The following RIMBP2 variants were observed in gnomAD, a reference collection of about 807,000 sequenced individuals.
The protein encoded by RIMBP2 is RIMS binding protein 2.
In RIMBP2, 48 loss-of-function variants were observed where a neutral mutation model predicts 118.6. That is an observed-to-expected ratio of 0.40 (90% CI 0.32 to 0.51). The LOEUF is 0.51. Among genes scored for constraint, RIMBP2 ranks in the 20% least tolerant of loss-of-function variants. The pLI, the probability that RIMBP2 is intolerant of heterozygous loss-of-function variation, is 0.41. For missense variants in RIMBP2, 1,551 were observed against 1,768.3 expected (o/e 0.88, Z 2.20); for synonymous variants, 762 against 742.9 (o/e 1.03, Z -0.42).
At position 130,422,373 on chromosome 12, in the gene RIMBP2, G is replaced by A; in HGVS notation, c.3238+80C>T. 1 of 961,882 alleles carries A rather than the reference G, an allele frequency of 1.0e-6. No individual in the cohort carries two copies. The highest frequency in any genetic ancestry group is 1.6e-6 in the Non-Finnish European group (1 of 633,194). The allele number at this position is 961,882 out of a possible 1,614,324, so 59.6% of individuals were successfully genotyped here. A position where few individuals can be genotyped will look rare whatever the true frequency, so the allele number is the denominator to read the frequency against. ...CTTAGCGGAAAATGCTACTCCTAAA[G>A]TTTTGTTCATGCTTAGATGGAGTAA... On this transcript the variant is annotated intron_variant, in intron 17 of 22. Coordinates refer to ENST00000690449, the MANE Select transcript of RIMBP2 (RefSeq NM_001393629.1). The surrounding 1 kb of genome is among the most constrained non-coding windows in gnomAD (Gnocchi z 5.2).
At chr12:130,643,015 T>C (rs61936784) in intron 1 of RIMBP2, among the ~76,000 whole-genome samples, 23,387 of 152,248 alleles carry the variant, frequency 0.15, 2,330 homozygotes, top group Non-Finnish European at 0.23. Context: ...AGTCTCGGAC[T>C]GGACACATTC....
At position 130,698,776 on chromosome 12, in the gene RIMBP2, C is replaced by T. The variant is rs566953253; in HGVS notation, c.-352+17446G>A. 3.0e-3 allele frequency among the ~76,000 whole-genome samples: 460 copies of T among 152,162 alleles called. 1 individual carries two copies. The highest frequency in any genetic ancestry group is 0.011 in the African/African-American group (436 of 41,478). On this transcript the variant is annotated intron_variant, in intron 1 of 22. Coordinates refer to ENST00000690449, the MANE Select transcript of RIMBP2 (RefSeq NM_001393629.1). Reference sequence around the variant, plus strand: ...GCTTCTGCACAGCAAAAGAAACTACCATCAGAGTGAACAGGCAACCTATAG... The same window carrying T: ...GCTTCTGCACAGCAAAAGAAACTACTATCAGAGTGAACAGGCAACCTATAG...
chr12:130,454,314 TA>T (rs2079235192), intron 7 of RIMBP2, among the ~76,000 whole-genome samples: 1 of 152,168 alleles, frequency 6.6e-6, no homozygotes, highest in African/African-American at 2.4e-5. Flanking sequence ...CAAAAATAAG[TA>T]AACACATTCA....
At chr12:130,604,278 G>A (rs1193572115) in intron 2 of RIMBP2, among the ~76,000 whole-genome samples, 5 of 121,710 alleles carry the variant, frequency 4.1e-5, no homozygotes, top group African/African-American at 1.5e-4. Context: ...GAGTCAAAAA[G>A]GTTTTTAAAA....
At chr12:130,476,884 G>A (rs1353828172) in intron 5 of RIMBP2, among the ~76,000 whole-genome samples, 2 of 152,152 alleles carry the variant, frequency 1.3e-5, no homozygotes, top group Non-Finnish European at 2.9e-5. Flanking sequence ...GCAGACGGCC[G>A]ACCCCTGCTG....
In RIMBP2 at chr12:130,574,195, T is replaced by C. The variant is rs2140101041; in HGVS notation, c.-217+54127A>G. ...CAAAATAAAACCTTGTCATAAACAC[T>C]ATTTTGTTTCTGGCTGGAGCTAAAT... On this transcript the variant is annotated intron_variant, in intron 2 of 22. Transcript: ENST00000690449. Among the ~76,000 whole-genome samples the C allele has an allele frequency of 1.3e-5, 2 of 152,194 alleles. 1 individual carries two copies. Among genetic ancestry groups the C allele is most frequent in the Admixed American group, 1.3e-4 (2 of 15,302 alleles).
At chr12:130,598,031 A>T (rs1243223167) in intron 2 of RIMBP2, among the ~76,000 whole-genome samples, 1 of 152,214 alleles carries the variant, frequency 6.6e-6, no homozygotes, top group African/African-American at 2.4e-5. Flanking sequence ...TATTAAATGA[A>T]TTTGGCAAGG....
intron 2 of RIMBP2, among the ~76,000 whole-genome samples, chr12:130,524,522 C>T (rs1167644872): frequency 6.6e-6 from 1 of 152,192 alleles, no homozygotes; most frequent in Non-Finnish European, 1.5e-5. Context: ...CTGGGGGTAG[C>T]AGACGTGAAG....
rs1593648880 is a variant in RIMBP2 at position 130,525,414 on chromosome 12, A to G, written c.-216-7497T>C. On this transcript the variant is annotated intron_variant, in intron 2 of 22. Coordinates refer to ENST00000690449, the MANE Select transcript of RIMBP2 (RefSeq NM_001393629.1). The surrounding 1 kb of genome is among the most constrained non-coding windows in gnomAD (Gnocchi z 4.4). ...GCTTTTTTGCAGAGTGCTGGGTGAGAAGAGGCGCAGAGAGACAAGGTCATG... is the reference window on the plus strand; with the variant it reads ...GCTTTTTTGCAGAGTGCTGGGTGAGGAGAGGCGCAGAGAGACAAGGTCATG... Among the ~76,000 whole-genome samples, 1 of 152,116 alleles carries G rather than the reference A, an allele frequency of 6.6e-6. No individual in the cohort carries two copies. The highest frequency in any genetic ancestry group is 2.1e-4 in the South Asian group (1 of 4,826).
At chr12:130,510,542 C>T (rs1405395623) in intron 3 of RIMBP2, among the ~76,000 whole-genome samples, 1 of 152,080 alleles carries the variant, frequency 6.6e-6, no homozygotes, top group East Asian at 1.9e-4. Context: ...AATCTCGGCT[C>T]ACTGCAACCT....
In RIMBP2 at chr12:130,445,418, C is replaced by T. The variant is rs575635709; in HGVS notation, c.582-149G>A. ...TAATCGTTCGGGGCTGATGAGTTCT[C>T]TGTACACTGGAAATTCAAGCCACTG... On this transcript the variant is annotated intron_variant, in intron 9 of 22. Coordinates refer to ENST00000690449, the MANE Select transcript of RIMBP2 (RefSeq NM_001393629.1). 1.0e-4 allele frequency: 54 copies of T among 520,156 alleles called. 1 individual carries two copies. The South Asian group carries it at 1.8e-3, about 17-fold the overall frequency. The allele number at this position is 520,156 out of a possible 1,614,324, so 32.2% of individuals were successfully genotyped here.
rs755780643 is a variant in RIMBP2, at chr12:130,622,908, C to T, written c.-217+5414G>A. ...CATGGCATCGAGTAAACAGTTCTTG[C>T]CTACTAAGCCCTGCAGGTAGGAACA... On this transcript the variant is annotated intron_variant, in intron 2 of 22. Coordinates refer to ENST00000690449, the MANE Select transcript of RIMBP2 (RefSeq NM_001393629.1). This position sits in a 1 kb window ranked among gnomAD's most constrained non-coding sequence, Gnocchi z 8.5. Among the ~76,000 whole-genome samples the T allele has an allele frequency of 1.3e-5, 2 of 152,204 alleles. No individual in the cohort carries two copies. The highest frequency in any genetic ancestry group is 2.9e-5 in the Non-Finnish European group (2 of 68,038).
At chr12:130,590,733 C>T (rs1023807601) in intron 2 of RIMBP2, among the ~76,000 whole-genome samples, 2 of 152,198 alleles carry the variant, frequency 1.3e-5, no homozygotes, top group African/African-American at 2.4e-5. Flanking sequence ...TTCTGAGGCA[C>T]CTCTCATTTG....
rs2065146313 is a variant in RIMBP2 at position 130,688,172 on chromosome 12, C to T, written c.-352+28050G>A. Among the ~76,000 whole-genome samples, 1 of 152,202 alleles carries T rather than the reference C, an allele frequency of 6.6e-6. No homozygotes were observed. The highest frequency in any genetic ancestry group is 2.1e-4 in the South Asian group (1 of 4,834). ...CCCACAGCTCCCGGCCCAGCCTGCACTGTTCATGCTGCTTGGCTTTGTGAA... is the reference window on the plus strand; with the variant it reads ...CCCACAGCTCCCGGCCCAGCCTGCATTGTTCATGCTGCTTGGCTTTGTGAA... On this transcript the variant is annotated intron_variant, in intron 1 of 22. Transcript: ENST00000690449. The surrounding 1 kb of genome is among the most constrained non-coding windows in gnomAD (Gnocchi z 4.7).
At position 130,424,145 on chromosome 12, in the gene RIMBP2, G is replaced by A; in HGVS notation, c.3126C>T (p.Pro1042=). The A allele has an allele frequency of 8.1e-7, 1 of 1,229,724 alleles. No individual in the cohort carries two copies. The highest frequency in any genetic ancestry group is 1.0e-6 in the Non-Finnish European group (1 of 985,762). 76.2% of individuals were successfully genotyped at this position (1,229,724 alleles called of 1,614,324 possible). The change falls in exon 16 of 23, where the codon CCC becomes CCT. Residue 1042 remains proline (P), a synonymous_variant. Coordinates refer to ENST00000690449, the MANE Select transcript of RIMBP2 (RefSeq NM_001393629.1). This position sits in a 1 kb window ranked among gnomAD's most constrained non-coding sequence, Gnocchi z 9.8. ...AKPPPRVAQG[P]LILGNPASAG... is the part of the protein sequence containing the mutation. ...AAAGGAAGTTTAGGTCACACACCAGGGGGCCTTGTGCGACTCTGGGAGGTG... is the reference window on the plus strand; with the variant it reads ...AAAGGAAGTTTAGGTCACACACCAGAGGGCCTTGTGCGACTCTGGGAGGTG...
At chr12:130,668,287 A>G (rs1045707190) in intron 1 of RIMBP2, 2 of 152,382 alleles carry the variant, frequency 1.3e-5, no homozygotes, top group Admixed American at 6.5e-5. Context: ...TCCTGACCCC[A>G]GGAACTACTC....
chr12:130,617,550 G>A lies in RIMBP2; in HGVS notation c.-217+10772C>T. The stretch of plus-strand genomic sequence containing the variant: ...CTGACACCAGCTTTAGATACTGCTA[G>A]AAGCTGCTTAGTGGGAGGTATTGAG... On this transcript the variant is annotated intron_variant, in intron 2 of 22. Transcript: ENST00000690449. This position sits in a 1 kb window ranked among gnomAD's most constrained non-coding sequence, Gnocchi z 4.6. Among the ~76,000 whole-genome samples, 1 of 152,246 alleles carries A rather than the reference G, an allele frequency of 6.6e-6. No individual in the cohort carries two copies. The highest frequency in any genetic ancestry group is 1.9e-4 in the East Asian group (1 of 5,190).
Position 130,450,583 on chromosome 12 carries a change from G to A in RIMBP2, c.505-307C>T, listed in dbSNP as rs554908447. ...TCCTACAGCAATCCCGGGAGTCAGCGGCGTGGCCTTTTCTCATAGGGGTGG... is the reference window on the plus strand; with the variant it reads ...TCCTACAGCAATCCCGGGAGTCAGCAGCGTGGCCTTTTCTCATAGGGGTGG... On this transcript the variant is annotated intron_variant, in intron 8 of 22. Coordinates refer to ENST00000690449, the MANE Select transcript of RIMBP2 (RefSeq NM_001393629.1). This position sits in a 1 kb window ranked among gnomAD's most constrained non-coding sequence, Gnocchi z 4.8. 2.6e-5 allele frequency among the ~76,000 whole-genome samples: 4 copies of A among 152,114 alleles called. No individual in the cohort carries two copies. The South Asian group carries it at 6.2e-4, about 24-fold the overall frequency.
At chr12:130,418,964 T>TG (rs1375089420) in intron 17 of RIMBP2, among the ~76,000 whole-genome samples, 3 of 152,096 alleles carry the variant, frequency 2.0e-5, no homozygotes, top group African/African-American at 7.2e-5. Flanking sequence ...CACGTTGTTT[T>TG]GGGGGGAAGA....
Sources: allele counts gnomAD v4.1 joint callset (sites outside exome capture counted in the v4.1 genomes callset), GRCh38; gene constraint gnomAD v4.1.1; non-coding constraint Gnocchi (gnomAD v3.1); transcripts MANE v1.5; gene names NCBI Gene and HGNC (gene_info 2026-07-23, HGNC 2026-07-21).